FAM171A1: variants seen among roughly 807,000 people sequenced by gnomAD.
The protein encoded by FAM171A1 is protein FAM171A1.
Under a neutral mutation model 74.9 loss-of-function variants are expected in FAM171A1, and 23 were observed. That is an observed-to-expected ratio of 0.31 (90% confidence interval 0.22 to 0.44). The LOEUF (loss-of-function observed/expected upper bound fraction) is 0.44, where lower values mean the gene tolerates loss of function less well. Among genes scored for constraint, FAM171A1 ranks in the 20% least tolerant of loss-of-function variants. The pLI, the probability that FAM171A1 is intolerant of heterozygous loss-of-function variation, is 1.00. For missense variants in FAM171A1, 1,162 were observed against 1,159.2 expected (o/e 1.00, Z -0.03); for synonymous variants, 527 against 505.7 (o/e 1.04, Z -0.57).
intron 1 of FAM171A1, among the ~76,000 whole-genome samples, chr10:15,304,644 T>A (rs1835272269): frequency 6.6e-6 from 1 of 152,180 alleles, no homozygotes; most frequent in Admixed American, 6.5e-5. Flanking sequence ...CCCTGGTGTT[T>A]CTCTGTGTGG....
chr10:15,368,250 C>G (rs573735538), intron 1 of FAM171A1, among the ~76,000 whole-genome samples: 4 of 152,270 alleles, frequency 2.6e-5, no homozygotes, highest in African/African-American at 9.6e-5. Flanking sequence ...GAGTCTGAAG[C>G]CAAGCCTCCA....
Position 15,254,784 on chromosome 10 carries a change from CGGCCG to C in FAM171A1, c.509_513del (p.Thr170SerfsTer28). Reference sequence around the variant, plus strand: ...CTGTCCACCTCCGAAGGGGAGCTGGCGGCCGTGAGAAACGCGGTCAGGTCACTGTA... The same window carrying C: ...CTGTCCACCTCCGAAGGGGAGCTGGCTGAGAAACGCGGTCAGGTCACTGTA... On this transcript the variant is annotated frameshift_variant, in exon 4 of 8. Transcript: ENST00000378116. LOFTEE classifies it high-confidence loss of function. 6.2e-7 allele frequency: 1 copy of C among 1,614,174 alleles called. No individual in the cohort carries two copies.
At chr10:15,220,654 G>T (rs1834025841) in intron 6 of FAM171A1, among the ~76,000 whole-genome samples, 1 of 152,004 alleles carries the variant, frequency 6.6e-6, no homozygotes, top group South Asian at 2.1e-4. Context: ...AGGTCTTGCT[G>T]GTCTCTGTGG....
chr10:15,286,525 AC>A (rs1564633253), intron 1 of FAM171A1, among the ~76,000 whole-genome samples: 1 of 152,012 alleles, frequency 6.6e-6, no homozygotes, highest in Non-Finnish European at 1.5e-5. Flanking sequence ...CAGGTGATCC[AC>A]CCACCTCGGG....
At chr10:15,221,449 T>C (rs1834038734) in intron 5 of FAM171A1, among the ~76,000 whole-genome samples, 1 of 152,198 alleles carries the variant, frequency 6.6e-6, no homozygotes. Flanking sequence ...AAGCTCTTTG[T>C]CCTTGAGCAA....
chr10:15,223,840 G>A (rs866428872), intron 5 of FAM171A1, among the ~76,000 whole-genome samples: 2 of 152,112 alleles, frequency 1.3e-5, no homozygotes, highest in Non-Finnish European at 2.9e-5. Context: ...CGGAGGTTGC[G>A]GTGAGCTGAG....
In FAM171A1 at chr10:15,341,029, C is replaced by T. The variant is rs116034150; in HGVS notation, c.97+29927G>A. Among the ~76,000 whole-genome samples, 378 of 152,278 alleles carry T rather than the reference C, an allele frequency of 2.5e-3. 4 individuals are homozygous for T. The highest frequency in any genetic ancestry group is 0.013 in the East Asian group (68 of 5,176). ...ATTTGCAATCTTGTCTATGCCAGTA[C>T]GTCTCAAGCTTTTTAAGTGGCAGCA... On this transcript the variant is annotated intron_variant, in intron 1 of 7. Transcript: ENST00000378116.
At chr10:15,284,174 C>A in intron 1 of FAM171A1, 69 bp from the exon 2 acceptor site, 4 of 1,403,214 alleles carry the variant, frequency 2.9e-6, no homozygotes, top group Non-Finnish European at 4.0e-6. Context: ...TCTGGTATGA[C>A]TGTGATGGGA....
intron 3 of FAM171A1, among the ~76,000 whole-genome samples, chr10:15,271,622 C>G (rs1270908031): frequency 6.6e-6 from 1 of 152,196 alleles, no homozygotes; most frequent in Non-Finnish European, 1.5e-5. Flanking sequence ...ATGTTAAGGG[C>G]AGCCAGAGAC....
chr10:15,331,856 T>C lies in FAM171A1; in HGVS notation c.97+39100A>G. On this transcript the variant is annotated intron_variant, in intron 1 of 7. Coordinates refer to ENST00000378116, the MANE Select transcript of FAM171A1 (RefSeq NM_001010924.2). ...GTATATATATGTGTGTATATATATGTGTGTATATATATGTGTGTGTATACA... is the reference window on the plus strand; with the variant it reads ...GTATATATATGTGTGTATATATATGCGTGTATATATATGTGTGTGTATACA... Among the ~76,000 whole-genome samples, 2 of 21,126 alleles carry C rather than the reference T, an allele frequency of 9.5e-5. 1 individual carries two copies. Among genetic ancestry groups the C allele is most frequent in the Non-Finnish European group, 1.7e-4 (2 of 11,500 alleles). 13.9% of individuals were successfully genotyped at this position (21,126 alleles called of 152,430 possible). A position where few individuals can be genotyped will look rare whatever the true frequency, so the allele number is the denominator to read the frequency against.
intron 1 of FAM171A1, among the ~76,000 whole-genome samples, chr10:15,323,866 A>G (rs1173199964): frequency 6.6e-6 from 1 of 152,198 alleles, no homozygotes; most frequent in Non-Finnish European, 1.5e-5. Flanking sequence ...AAATCCTTAA[A>G]CACAGTGCAG....
intron 1 of FAM171A1, among the ~76,000 whole-genome samples, chr10:15,331,859 G>GTATATATATA (rs1835639494): frequency 1.8e-4 from 8 of 44,912 alleles, no homozygotes; most frequent in Admixed American, 8.4e-4. Context: ...ATATATGTGT[G>GTATATATATA]TATATATATG....
chr10:15,248,621 C>G lies in FAM171A1; in HGVS notation c.754+18G>C, dbSNP rs747403858. On this transcript the variant is annotated intron_variant, in intron 5 of 7. Transcript: ENST00000378116. ...AAGCCATCTGGTAGCCGATTGTCGG[C>G]ACAGAACTCTTGCTTACCCAGCTTC... The G allele has an allele frequency of 1.9e-6, 3 of 1,585,744 alleles. No homozygotes were observed. In the South Asian group the frequency reaches 3.5e-5, roughly 18 times the overall value.
intron 3 of FAM171A1, among the ~76,000 whole-genome samples, chr10:15,258,646 C>T (rs1834616713): frequency 6.6e-6 from 1 of 152,292 alleles, no homozygotes; most frequent in South Asian, 2.1e-4. Context: ...TTGGAGACGT[C>T]GACTGTGTGA....
At chr10:15,261,782 G>C (rs1018655904) in intron 3 of FAM171A1, among the ~76,000 whole-genome samples, 2 of 152,132 alleles carry the variant, frequency 1.3e-5, no homozygotes, top group African/African-American at 4.8e-5. Context: ...GTGGGGTCCA[G>C]GGGCAGAGGG....
At chr10:15,269,118 T>C (rs1050759588) in intron 3 of FAM171A1, among the ~76,000 whole-genome samples, 1 of 152,100 alleles carries the variant, frequency 6.6e-6, no homozygotes, top group Non-Finnish European at 1.5e-5. Flanking sequence ...ATTTATTTAT[T>C]TATTCACTTT....
intron 2 of FAM171A1, among the ~76,000 whole-genome samples, chr10:15,276,832 G>A (rs530141374): frequency 1.3e-5 from 2 of 152,184 alleles, no homozygotes; most frequent in African/African-American, 4.8e-5. Context: ...CCATGGGTGT[G>A]CACCACTGCA....
intron 1 of FAM171A1, among the ~76,000 whole-genome samples, chr10:15,322,830 T>C (rs538303971): frequency 2.0e-5 from 3 of 152,346 alleles, no homozygotes; most frequent in South Asian, 4.1e-4. Flanking sequence ...AAGGTCTTCA[T>C]TTGCAATAAA....
At chr10:15,334,987 A>C (rs895235237) in intron 1 of FAM171A1, among the ~76,000 whole-genome samples, 14 of 152,246 alleles carry the variant, frequency 9.2e-5, no homozygotes, top group African/African-American at 3.1e-4. Context: ...CACGCCTGCA[A>C]TCCTAGCACT....
Sources: gnomAD v4.1 joint callset for allele counts (sites outside exome capture counted in the v4.1 genomes callset) on GRCh38, gnomAD v4.1.1 for gene constraint, MANE v1.5 for transcripts, NCBI Gene and HGNC (gene_info 2026-07-23, HGNC 2026-07-21) for gene names.